ARHGEF26: variants seen among roughly 807,000 people sequenced by gnomAD.
ARHGEF26 encodes Rho guanine nucleotide exchange factor 26, also known as Rho guanine nucleotide exchange factor (GEF) 26.
In ARHGEF26, 59 loss-of-function variants were observed where a neutral mutation model predicts 89.4. The ratio of observed to expected loss-of-function variants is 0.66; its 90% confidence interval spans 0.54 to 0.82. The LOEUF (loss-of-function observed/expected upper bound fraction) is 0.82. Among genes scored for constraint, ARHGEF26 ranks in the 40% least tolerant of loss-of-function variants. ARHGEF26 has a pLI of 0.00. For synonymous variants in ARHGEF26, 500 were observed against 428.4 expected (o/e 1.17, Z -2.06); for missense variants, 1,234 against 1,085.6 (o/e 1.14, Z -1.92).
chr3:154,158,192 A>G (rs1343249799), intron 6 of ARHGEF26, among the ~76,000 whole-genome samples: 2 of 152,170 alleles, frequency 1.3e-5, no homozygotes, highest in Non-Finnish European at 2.9e-5. Flanking sequence ...AAAGAAGACG[A>G]ATGTCAGAAT....
At position 154,122,923 on chromosome 3, in the gene ARHGEF26, G is replaced by A; in HGVS notation, c.931G>A (p.Gly311Ser). 1 of 1,613,424 alleles carries A rather than the reference G, an allele frequency of 6.2e-7. No individual in the cohort carries two copies. Among genetic ancestry groups the A allele is most frequent in the Non-Finnish European group, 8.5e-7 (1 of 1,179,714 alleles). ...DVDSPGSLRRGLRSTSYRRAV... is the reference protein window; with the variant it reads ...DVDSPGSLRRSLRSTSYRRAV... The stretch of plus-strand genomic sequence containing the variant: ...GGATAGCCCAGGGTCTCTGCGGAGA[G>A]GCTTGCGGTCCACGTCTTATCGCAG... The change falls in exon 2 of 15, where the codon GGC becomes AGC. Residue 311 changes from glycine to serine, a missense_variant. Physicochemically the swap from Gly to Ser is moderately conservative, Grantham distance 56. Coordinates refer to ENST00000465093, the MANE Select transcript of ARHGEF26 (RefSeq NM_015595.4).
At chr3:154,121,231 C>T (rs1261821026), upstream of ARHGEF26, 2 of 152,300 alleles carry the variant, frequency 1.3e-5, no homozygotes, top group Non-Finnish European at 2.9e-5. Context: ...CAGAACCCAG[C>T]TCAGGTGCGC....
In ARHGEF26 at chr3:154,122,987, G is replaced by T; in HGVS notation, c.995G>T (p.Ser332Ile). 1.9e-6 allele frequency: 3 copies of T among 1,613,856 alleles called. No individual in the cohort carries two copies. Among genetic ancestry groups the T allele is most frequent in the African/African-American group, 1.3e-5 (1 of 75,022 alleles). ...VSGFDFDSPT[S>I]SKKKNRMSQP... The stretch of plus-strand genomic sequence containing the variant: ...GGCTTTGATTTTGACAGTCCTACCA[G>T]CTCGAAGAAGAAGAACAGAATGTCC... The change falls in exon 2 of 15, where the codon AGC becomes ATC. Residue 332 changes from serine to isoleucine, a missense_variant. Ser to Ile is a moderately radical substitution (Grantham distance 142). Transcript: ENST00000465093.
At chr3:154,154,492 A>G (rs1188945778) in intron 6 of ARHGEF26, among the ~76,000 whole-genome samples, 3 of 152,066 alleles carry the variant, frequency 2.0e-5, no homozygotes, top group Non-Finnish European at 4.4e-5. Flanking sequence ...TTTATGTATC[A>G]ATTATACCTC....
chr3:154,172,571 G>GT (rs977777547), intron 6 of ARHGEF26, among the ~76,000 whole-genome samples: 76 of 152,286 alleles, frequency 5.0e-4, no homozygotes, highest in African/African-American at 1.8e-3. Flanking sequence ...GTGTGTGCCT[G>GT]TAGTCCCAGC....
At position 154,139,558 on chromosome 3, in the gene ARHGEF26, A is replaced by G. The variant is rs77656115; in HGVS notation, c.1270-9831A>G. Reference sequence around the variant, plus strand: ...CTGACTTTGGATTGCAGATTCATCTATGGGATTCTTGTATTTGCCCTGTTG... The same window carrying G: ...CTGACTTTGGATTGCAGATTCATCTGTGGGATTCTTGTATTTGCCCTGTTG... On this transcript the variant is annotated intron_variant, in intron 4 of 14. Transcript: ENST00000465093. Among the ~76,000 whole-genome samples, 762 of 152,234 alleles carry G rather than the reference A, an allele frequency of 5.0e-3. 58 individuals are homozygous for G. In the East Asian group the frequency reaches 0.14, roughly 28 times the overall value.
chr3:154,254,670 A>T (rs1480578218), intron 13 of ARHGEF26, 50 bp from the exon 14 acceptor site: 1 of 1,420,320 alleles, frequency 7.0e-7, no homozygotes, highest in East Asian at 2.3e-5. Context: ...TGGATTGCAC[A>T]TGTTTTTTCT....
intron 6 of ARHGEF26, among the ~76,000 whole-genome samples, chr3:154,179,682 T>G (rs1713061748): frequency 6.6e-6 from 1 of 152,168 alleles, no homozygotes; most frequent in Non-Finnish European, 1.5e-5. Flanking sequence ...GAATTGAATC[T>G]GGAACCATCA....
intron 4 of ARHGEF26, among the ~76,000 whole-genome samples, chr3:154,131,997 T>A (rs1718706631): frequency 6.6e-6 from 1 of 152,186 alleles, no homozygotes; most frequent in Non-Finnish European, 1.5e-5. Flanking sequence ...ATAAAGTGAT[T>A]TCTGATTTTA....
chr3:154,152,875 A>G lies in ARHGEF26; in HGVS notation c.1430A>G (p.Lys477Arg), dbSNP rs1720107017. 1 of 1,598,476 alleles carries G rather than the reference A, an allele frequency of 6.3e-7. No homozygotes were observed. Among genetic ancestry groups the G allele is most frequent in the Admixed American group, 1.7e-5 (1 of 57,958 alleles). ...NSKELSDTMT[K>R]TERHHLFSNI... The stretch of plus-strand genomic sequence containing the variant: ...AAAGAACTGAGTGATACAATGACTA[A>G]AACCGAGAGGCACCATCTTTTCTCC... The change falls in exon 6 of 15, where the codon AAA becomes AGA. Residue 477 changes from lysine to arginine, a missense_variant. Coordinates refer to ENST00000465093, the MANE Select transcript of ARHGEF26 (RefSeq NM_015595.4).
intron 12 of ARHGEF26, among the ~76,000 whole-genome samples, chr3:154,241,233 G>C (rs894906215): frequency 7.9e-5 from 12 of 151,780 alleles, no homozygotes; most frequent in African/African-American, 2.9e-4. Flanking sequence ...ACTGACCAAT[G>C]TTTTTGTTTA....
Position 154,230,407 on chromosome 3 carries a change from ACTT to A in ARHGEF26, c.2090+4402_2090+4404del, listed in dbSNP as rs533677638. 2.2e-3 allele frequency among the ~76,000 whole-genome samples: 340 copies of A among 152,238 alleles called. 5 individuals are homozygous for A. Among genetic ancestry groups the A allele is most frequent in the Middle Eastern group, 0.01 (3 of 294 alleles). ...GAGGCTCAATTTCTTTATGTTCATT[ACTT>A]CTTCATTTTATTTTTCTAGAATATT... On this transcript the variant is annotated intron_variant, in intron 11 of 14. Transcript: ENST00000465093.
intron 9 of ARHGEF26, among the ~76,000 whole-genome samples, chr3:154,211,588 G>A (rs1029948350): frequency 2.0e-5 from 3 of 152,206 alleles, no homozygotes; most frequent in South Asian, 2.1e-4. Context: ...TCAGCAATAC[G>A]AAGATAAAAC....
At chr3:154,234,375 A>G (rs1716985581) in intron 11 of ARHGEF26, among the ~76,000 whole-genome samples, 1 of 152,162 alleles carries the variant, frequency 6.6e-6, no homozygotes, top group Admixed American at 6.5e-5. Flanking sequence ...TAAGGTATGT[A>G]CATGTTTAAC....
chr3:154,152,762 T>A lies in ARHGEF26; in HGVS notation c.1327-10T>A. 1 of 1,455,568 alleles carries A rather than the reference T, an allele frequency of 6.9e-7. No homozygotes were observed. The highest frequency in any genetic ancestry group is 1.6e-5 in the South Asian group (1 of 63,546). 90.2% of individuals were successfully genotyped at this position (1,455,568 alleles called of 1,614,324 possible). On this transcript the variant is annotated splice_polypyrimidine_tract_variant and intron_variant, in intron 5 of 14. Coordinates refer to ENST00000465093, the MANE Select transcript of ARHGEF26 (RefSeq NM_015595.4). ...GAATTAATAATACATTTCTTTTTCC[T>A]TCTTACCAGGCTATCTTTGAAGTCA...
intron 9 of ARHGEF26, among the ~76,000 whole-genome samples, chr3:154,200,933 A>G (rs1714586979): frequency 2.0e-5 from 3 of 151,936 alleles, no homozygotes. Context: ...TTGTATGTTG[A>G]TTTTGTATCC....
intron 3 of ARHGEF26, among the ~76,000 whole-genome samples, chr3:154,128,210 T>C (rs1281973131): frequency 6.6e-6 from 1 of 152,186 alleles, no homozygotes; most frequent in East Asian, 1.9e-4. Context: ...GGCAAGGCCC[T>C]ACATGATCAG....
intron 3 of ARHGEF26, among the ~76,000 whole-genome samples, chr3:154,126,627 C>G (rs1175931274): frequency 2.6e-5 from 4 of 152,190 alleles, no homozygotes; most frequent in African/African-American, 9.7e-5. Flanking sequence ...AAACTCAATC[C>G]TTTTGTACTC....
At chr3:154,237,575 T>TACACAC (rs1322838552) in intron 11 of ARHGEF26, among the ~76,000 whole-genome samples, 153 of 58,252 alleles carry the variant, frequency 2.6e-3, no homozygotes, top group Non-Finnish European at 4.4e-3. Context: ...CACACACACT[T>TACACAC]AACTAGTTTA....
Sources: gnomAD v4.1 joint callset for allele counts (sites outside exome capture counted in the v4.1 genomes callset) on GRCh38, gnomAD v4.1.1 for gene constraint, MANE v1.5 for transcripts, NCBI Gene and HGNC (gene_info 2026-07-23, HGNC 2026-07-21) for gene names.